Variants in ATPAF2 observed in about 807,000 individuals in gnomAD.
ATPAF2 encodes ATP synthase mitochondrial F1 complex assembly factor 2, also known as ATP12 homolog.
In ATPAF2, 30 loss-of-function variants were observed where a neutral mutation model predicts 36.6. The observed-to-expected ratio is 0.82, with a 90% CI of 0.61 to 1.11. The LOEUF is 1.11. Ranked by LOEUF, ATPAF2 falls within the 50% of genes most tolerant of loss-of-function variation. The probability of loss-of-function intolerance (pLI) is 0.00; values close to 1 mark genes in which losing one functional copy is unlikely to be tolerated. For missense variants in ATPAF2, 321 were observed against 372.3 expected (o/e 0.86, Z 1.13); for synonymous variants, 140 against 152.6 (o/e 0.92, Z 0.61).
At position 18,039,096 on chromosome 17, in the gene ATPAF2, T is replaced by A; in HGVS notation, c.-83A>T. The A allele has an allele frequency of 6.5e-7, 1 of 1,538,562 alleles. No homozygotes were observed. Among genetic ancestry groups the A allele is most frequent in the Non-Finnish European group, 8.8e-7 (1 of 1,141,540 alleles). On this transcript the variant is annotated 5_prime_UTR_variant, in exon 1 of 8. Coordinates refer to ENST00000474627, the MANE Select transcript of ATPAF2 (RefSeq NM_145691.4). This position sits in a 1 kb window ranked among gnomAD's most constrained non-coding sequence, Gnocchi z 5.3. ...CGATGGGATCCCCAAAGCCGCACGG[T>A]CGGGCTGTACGGAAACCTCTCAACG...
chr17:18,022,676 C>T (rs2044486391), intron 5 of ATPAF2, among the ~76,000 whole-genome samples: 1 of 148,218 alleles, frequency 6.7e-6, no homozygotes, highest in African/African-American at 2.5e-5. Context: ...GATCTCGGCT[C>T]ACTGCGACCT....
In ATPAF2 at chr17:18,038,957, C is replaced by T; in HGVS notation, c.57G>A (p.Pro19=). The T allele has an allele frequency of 1.2e-6, 2 of 1,612,968 alleles. No individual in the cohort carries two copies. The highest frequency in any genetic ancestry group is 1.7e-6 in the Non-Finnish European group (2 of 1,179,652). The change falls in exon 1 of 8, where the codon CCG becomes CCA. Residue 19 remains proline (P), a synonymous_variant. Transcript: ENST00000474627. ...RDGGRRLLNR[P]AGGPSASMSP... ...TCATAGAAGCGCTGGGGCCACCCGC[C>T]GGCCGATTCAGGAGACGGCGTCCCC...
chr17:18,019,617 C>T (rs148131916), intron 7 of ATPAF2, among the ~76,000 whole-genome samples: 1 of 152,352 alleles, frequency 6.6e-6, no homozygotes, highest in East Asian at 1.9e-4. Flanking sequence ...CGCTCAGACA[C>T]ACGATGTGGC....
chr17:18,026,225 A>G, intron 4 of ATPAF2, 94 bp downstream of exon 4: 1 of 1,228,274 alleles, frequency 8.1e-7, no homozygotes, highest in Non-Finnish European at 1.2e-6. Context: ...CTTGCAATAA[A>G]TGGAGAGGGT....
chr17:18,017,536 G>A (rs910883248), downstream of ATPAF2, among the ~76,000 whole-genome samples: 3 of 152,238 alleles, frequency 2.0e-5, no homozygotes, highest in African/African-American at 7.2e-5. Flanking sequence ...CCCTCCAGAA[G>A]AGCAGAGTGC....
chr17:18,032,353 C>A (rs1327246387), intron 1 of ATPAF2, among the ~76,000 whole-genome samples: 1 of 152,142 alleles, frequency 6.6e-6, no homozygotes, highest in Non-Finnish European at 1.5e-5. Context: ...GTTTTGTTGG[C>A]CAGGCTCACT....
downstream of ATPAF2, among the ~76,000 whole-genome samples, chr17:18,017,066 G>A (rs1027440021): frequency 2.0e-5 from 3 of 149,882 alleles, no homozygotes; most frequent in Non-Finnish European, 4.4e-5. Flanking sequence ...CAGCTACTCA[G>A]GAGGCTGAGG....
At chr17:18,015,974 G>T (rs1034613487), downstream of ATPAF2, 6 of 1,427,632 alleles carry the variant, frequency 4.2e-6, no homozygotes, top group African/African-American at 2.8e-5. Flanking sequence ...ACAGCCAGGG[G>T]ACTTCCAAAT....
intron 5 of ATPAF2, among the ~76,000 whole-genome samples, chr17:18,024,086 T>G (rs1443508950): frequency 6.6e-6 from 1 of 152,252 alleles, no homozygotes; most frequent in Non-Finnish European, 1.5e-5. Context: ...GTACAGCAAT[T>G]GTGACAAAGA....
In ATPAF2 at chr17:18,039,003, C is replaced by T. The variant is rs769346321; in HGVS notation, c.11G>A (p.Ser4Asn). The T allele has an allele frequency of 5.0e-6, 8 of 1,606,868 alleles. No homozygotes were observed. In the African/African-American group the frequency reaches 1.1e-4, roughly 21 times the overall value. Reference sequence around the variant, plus strand: ...TCCCCCGTCCCGCAGCCGGAGGCAGCTCCTCCACATCGCGCCCGAGGGTCT... The same window carrying T: ...TCCCCCGTCCCGCAGCCGGAGGCAGTTCCTCCACATCGCGCCCGAGGGTCT... MWR[S>N]CLRLRDGGRR... Residue 4 changes from serine to asparagine, a missense_variant, in exon 1 of 8, where the codon AGC (serine) becomes AAC (asparagine). By Grantham distance (46) the Ser-to-Asn change is conservative. Transcript: ENST00000474627. The surrounding 1 kb of genome is among the most constrained non-coding windows in gnomAD (Gnocchi z 5.3).
downstream of ATPAF2, chr17:18,016,148 G>A: frequency 6.2e-6 from 10 of 1,613,988 alleles, no homozygotes; most frequent in Non-Finnish European, 8.5e-6. Flanking sequence ...TCGAGAAGAT[G>A]AGCTGGTGAC....
At chr17:18,021,620 A>G (rs2044469832) in intron 6 of ATPAF2, 125 bp downstream of exon 6, 1 of 878,292 alleles carries the variant, frequency 1.1e-6, no homozygotes, top group Non-Finnish European at 1.9e-6. Context: ...CAGCCTCCAC[A>G]CTCAGCTAGC....
In ATPAF2 at chr17:18,018,359, C is replaced by T; in HGVS notation, c.*190G>A. The T allele has an allele frequency of 1.4e-6, 1 of 722,592 alleles. No individual in the cohort carries two copies. Among genetic ancestry groups the T allele is most frequent in the Non-Finnish European group, 2.3e-6 (1 of 437,182 alleles). The allele number at this position is 722,592 out of a possible 1,614,324, so 44.8% of individuals were successfully genotyped here. Reference sequence around the variant, plus strand: ...TCACTGCTGGCCAGGCCAGGGGCACCTGGGTTGAAATCAGGCTGACCTCCG... The same window carrying T: ...TCACTGCTGGCCAGGCCAGGGGCACTTGGGTTGAAATCAGGCTGACCTCCG... On this transcript the variant is annotated 3_prime_UTR_variant, in exon 8 of 8. Coordinates refer to ENST00000474627, the MANE Select transcript of ATPAF2 (RefSeq NM_145691.4).
chr17:18,021,131 C>G lies in ATPAF2; in HGVS notation c.724G>C (p.Glu242Gln). The change falls in exon 7 of 8, where the codon GAG (glutamate) becomes CAG (glutamine). Residue 242 changes from glutamate to glutamine, a missense_variant. By Grantham distance (29) the Glu-to-Gln change is conservative (BLOSUM62 2). Transcript: ENST00000474627. ...GAGGTGCTGCTCCTCACCTGGTACT[C>G]CTCCTCCAGGCGTGACAGCAGCACG... ...QAVLLSRLEE[E>Q]YQIQKWGNIE... The G allele has an allele frequency of 6.2e-7, 1 of 1,613,180 alleles. No homozygotes were observed.
In ATPAF2 at chr17:18,021,200, G is replaced by C. The variant is rs1221340254; in HGVS notation, c.655C>G (p.Leu219Val). 2 of 1,613,848 alleles carry C rather than the reference G, an allele frequency of 1.2e-6. No individual in the cohort carries two copies. The highest frequency in any genetic ancestry group is 1.7e-6 in the Non-Finnish European group (2 of 1,179,998). The change falls in exon 7 of 8, where the codon CTA becomes GTA. Residue 219 changes from leucine (L) to valine (V), a missense_variant. Physicochemically the swap from Leu to Val is conservative, Grantham distance 32. This residue lies in a region of ATPAF2 where 199 missense variants were observed against 220.6 expected (regional missense o/e 0.90). Coordinates refer to ENST00000474627, the MANE Select transcript of ATPAF2 (RefSeq NM_145691.4). ...FVAAQLKSMV[L>V]TLGLIDLRLT... Reference sequence around the variant, plus strand: ...CGCAGGTCAATCAGGCCCAAGGTTAGCACCATGGACTTGAGCTGGGCAGCT... The same window carrying C: ...CGCAGGTCAATCAGGCCCAAGGTTACCACCATGGACTTGAGCTGGGCAGCT...
chr17:18,038,848 G>GC, intron 1 of ATPAF2, 33 bp downstream of exon 1: 1 of 1,612,270 alleles, frequency 6.2e-7, no homozygotes, highest in Non-Finnish European at 8.5e-7. Flanking sequence ...CCCCAGCTCG[G>GC]CCCCAACCCA....
intron 1 of ATPAF2, among the ~76,000 whole-genome samples, chr17:18,030,965 GC>G (rs2044624107): frequency 8.4e-6 from 1 of 119,406 alleles, no homozygotes; most frequent in Admixed American, 9.6e-5. Context: ...GAGCCACCGC[GC>G]CTGGCCTTTT....
At chr17:18,019,006 G>A (rs1327847394) in intron 7 of ATPAF2, among the ~76,000 whole-genome samples, 1 of 152,044 alleles carries the variant, frequency 6.6e-6, no homozygotes. Context: ...GGTGTGGTGG[G>A]GGTGCACCTG....
At chr17:18,038,485 G>C (rs1311322159) in intron 1 of ATPAF2, among the ~76,000 whole-genome samples, 2 of 152,188 alleles carry the variant, frequency 1.3e-5, no homozygotes, top group Non-Finnish European at 2.9e-5. Context: ...TCTTGTGTTG[G>C]GCAGTGGAGA....
Sources: gnomAD v4.1 joint callset for allele counts (sites outside exome capture counted in the v4.1 genomes callset) on GRCh38, gnomAD v4.1.1 for gene constraint, gnomAD v4.1.1 regional missense constraint, Gnocchi (gnomAD v3.1) non-coding constraint, MANE v1.5 for transcripts, NCBI Gene and HGNC (gene_info 2026-07-23, HGNC 2026-07-21) for gene names.